The following ERMP1 variants were observed in gnomAD, a reference collection of about 807,000 sequenced individuals.
ERMP1 encodes the protein endoplasmic reticulum metallopeptidase 1.
A neutral mutation model predicts 92.0 loss-of-function variants in ERMP1; 86 were observed. The observed-to-expected ratio is 0.93, with a 90% CI of 0.79 to 1.12. The LOEUF (loss-of-function observed/expected upper bound fraction) is 1.12, where lower values mean the gene tolerates loss of function less well. ERMP1 is among the 50% of genes most tolerant of loss of function. The probability of loss-of-function intolerance (pLI) is 0.00; values close to 1 mark genes in which losing one functional copy is unlikely to be tolerated. For synonymous variants in ERMP1, 530 were observed against 412.8 expected, an observed-to-expected ratio of 1.28 and a Z score of -3.44; for missense variants, 1,342 against 1,116.3, an observed-to-expected ratio of 1.20 and a Z score of -2.88.
At chr9:5,806,014 T>C (rs1244035497) in intron 8 of ERMP1, among the ~76,000 whole-genome samples, 1 of 152,186 alleles carries the variant, frequency 6.6e-6, no homozygotes, top group Admixed American at 6.5e-5. Flanking sequence ...AGAGTATAAA[T>C]GCTCCATGTA....
At chr9:5,846,393 C>G (rs1286747553) in intron 6 of ERMP1, among the ~76,000 whole-genome samples, 1 of 152,226 alleles carries the variant, frequency 6.6e-6, no homozygotes, top group Non-Finnish European at 1.5e-5. Flanking sequence ...CATTTCATCC[C>G]TCTGAGGCTG....
intron 6 of ERMP1, chr9:5,856,171 C>T: frequency 3.3e-6 from 1 of 299,206 alleles, no homozygotes; most frequent in South Asian, 3.3e-5. Context: ...TTGGTTTGTC[C>T]TAAAGTCCTC....
chr9:5,818,092 C>G (rs1039891806), intron 4 of ERMP1, among the ~76,000 whole-genome samples: 5 of 150,884 alleles, frequency 3.3e-5, no homozygotes, highest in Admixed American at 2.0e-4. Flanking sequence ...AGCCCAGGAG[C>G]TGGAGAACTG....
At position 5,853,439 on chromosome 9, in the gene ERMP1, G is replaced by A. The variant is rs570148981; in HGVS notation, n.3199+6029C>T. Among the ~76,000 whole-genome samples, 17 of 152,162 alleles carry A rather than the reference G, an allele frequency of 1.1e-4. No individual in the cohort carries two copies. The East Asian group carries it at 2.9e-3, about 26-fold the overall frequency. ...TTGCTGTGCTCAGAGATGCCCTGGG[G>A]TTTCAGTGTTGATCTCCCAGAAGAG... is the stretch of plus-strand genomic sequence containing the variant. On this transcript the variant is annotated intron_variant and non_coding_transcript_variant, in intron 6 of 6. Coordinates refer to the ERMP1 transcript ENST00000690753.
At chr9:5,866,437 A>G (rs1830665297) in intron 5 of ERMP1, among the ~76,000 whole-genome samples, 3 of 152,224 alleles carry the variant, frequency 2.0e-5, no homozygotes, top group Admixed American at 1.3e-4. Flanking sequence ...GCTCCTCCAC[A>G]CAGCCTGGGG....
chr9:5,812,633 C>CT (rs1248851082), intron 5 of ERMP1: 5 of 510,722 alleles, frequency 9.8e-6, no homozygotes, highest in Non-Finnish European at 1.8e-5. Context: ...CTATTACCAT[C>CT]TTTTGGGAAT....
At chr9:5,846,987 T>G (rs1315716317) in intron 6 of ERMP1, among the ~76,000 whole-genome samples, 1 of 152,130 alleles carries the variant, frequency 6.6e-6, no homozygotes, top group Non-Finnish European at 1.5e-5. Context: ...AGGGGTGCGA[T>G]GGCCTCCCCC....
intron 5 of ERMP1, among the ~76,000 whole-genome samples, 184 bp from the exon 6 acceptor site, chr9:5,812,401 TAC>T (rs976501105): frequency 3.9e-5 from 6 of 152,210 alleles, no homozygotes; most frequent in Non-Finnish European, 7.3e-5. Flanking sequence ...ATAGCTTTGG[TAC>T]ATAATTCGAT....
At chr9:5,820,923 A>G (rs946178476) in intron 4 of ERMP1, among the ~76,000 whole-genome samples, 4 of 152,236 alleles carry the variant, frequency 2.6e-5, no homozygotes, top group Non-Finnish European at 5.9e-5. Flanking sequence ...AGATGCTGGG[A>G]AAGGTATCAG....
intron 2 of ERMP1, among the ~76,000 whole-genome samples, chr9:5,830,438 G>C (rs761713486): frequency 6.6e-6 from 1 of 152,156 alleles, no homozygotes; most frequent in Non-Finnish European, 1.5e-5. Flanking sequence ...CACACACACT[G>C]TCTGGTAACA....
chr9:5,840,185 C>T (rs893450200), intron 6 of ERMP1, among the ~76,000 whole-genome samples: 2 of 151,928 alleles, frequency 1.3e-5, no homozygotes, highest in Admixed American at 6.6e-5. Context: ...GAGATTGCAG[C>T]GAGCTGTGAT....
Position 5,804,517 on chromosome 9 carries a change from T to C in ERMP1, c.1914+510A>G, listed in dbSNP as rs1439806169. 2.0e-5 allele frequency among the ~76,000 whole-genome samples: 3 copies of C among 152,148 alleles called. No individual in the cohort carries two copies. In the East Asian group the frequency reaches 5.8e-4, roughly 29 times the overall value. On this transcript the variant is annotated intron_variant, in intron 10 of 14. Coordinates refer to ENST00000339450, the MANE Select transcript of ERMP1 (RefSeq NM_024896.3). ...TTTGGTAAATGAAGGCACGTTTGGG[T>C]GTCATAACAGACTCAATTAACAAGC...
At chr9:5,806,224 G>A (rs775311637) in intron 8 of ERMP1, among the ~76,000 whole-genome samples, 1 of 152,108 alleles carries the variant, frequency 6.6e-6, no homozygotes, top group African/African-American at 2.4e-5. Flanking sequence ...CTGGAAAACT[G>A]CAGCACCTTT....
intron 13 of ERMP1, among the ~76,000 whole-genome samples, chr9:5,793,751 ATCT>A (rs1447968737): frequency 6.6e-6 from 1 of 152,164 alleles, no homozygotes; most frequent in Non-Finnish European, 1.5e-5. Context: ...AGACATAACA[ATCT>A]TTAATTTGTA....
At chr9:5,801,963 C>T (rs1828689358) in intron 10 of ERMP1, among the ~76,000 whole-genome samples, 1 of 152,168 alleles carries the variant, frequency 6.6e-6, no homozygotes, top group African/African-American at 2.4e-5. Context: ...TAAATATTTT[C>T]AATCGTAATG....
Position 5,805,707 on chromosome 9 carries a change from T to C in ERMP1, c.1627A>G (p.Thr543Ala). Residue 543 changes from threonine (T) to alanine (A), a missense_variant, in exon 9 of 15, where the codon ACT becomes GCT. Physicochemically the swap from Thr to Ala is moderately conservative, Grantham distance 58. Coordinates refer to ENST00000339450, the MANE Select transcript of ERMP1 (RefSeq NM_024896.3). ...FVHCCFLVTL[T>A]YQGLCSAFIS... ...AACGCCGAGCAAAGTCCTTGGTAAG[T>C]GAGGGTAACAAGAAAACAGCAATGG... 1 of 1,613,428 alleles carries C rather than the reference T, an allele frequency of 6.2e-7. No individual in the cohort carries two copies. Among genetic ancestry groups the C allele is most frequent in the Non-Finnish European group, 8.5e-7 (1 of 1,179,784 alleles).
Position 5,801,201 on chromosome 9 carries a change from G to C in ERMP1, c.2042C>G (p.Pro681Arg). The C allele has an allele frequency of 6.2e-7, 1 of 1,612,608 alleles. No homozygotes were observed. The highest frequency in any genetic ancestry group is 8.5e-7 in the Non-Finnish European group (1 of 1,179,402). ...CTGAAGAAACACTCTCTTTGGCTTC[G>C]GATTAGCAGGATTGGAGCTATATGG... ...FFPYSSNPAN[P>R]KPKRVFLQHM... The change falls in exon 11 of 15, where the codon CCG becomes CGG. Residue 681 changes from proline to arginine, a missense_variant. Pro to Arg is a moderately radical substitution (Grantham distance 103). Coordinates refer to ENST00000339450, the MANE Select transcript of ERMP1 (RefSeq NM_024896.3).
chr9:5,800,335 A>G (rs910697691), intron 11 of ERMP1, among the ~76,000 whole-genome samples: 1 of 152,200 alleles, frequency 6.6e-6, no homozygotes, highest in African/African-American at 2.4e-5. Flanking sequence ...ACTGCTTTAT[A>G]GTACCAGGTC....
At chr9:5,820,058 G>A (rs1359430584) in intron 4 of ERMP1, among the ~76,000 whole-genome samples, 3 of 152,214 alleles carry the variant, frequency 2.0e-5, no homozygotes, top group Non-Finnish European at 4.4e-5. Context: ...CCAGCACTTT[G>A]GGAAACTGAG....
Sources: allele counts gnomAD v4.1 joint callset (sites outside exome capture counted in the v4.1 genomes callset), GRCh38; gene constraint gnomAD v4.1.1; transcripts MANE v1.5; gene names NCBI Gene and HGNC (gene_info 2026-07-23, HGNC 2026-07-21).